Variants in PDIA3 observed in about 807,000 individuals in gnomAD.
PDIA3 encodes the protein protein disulfide isomerase family A member 3, also known as protein disulfide-isomerase A3.
A neutral mutation model predicts 56.9 loss-of-function variants in PDIA3; 16 were observed. That is an observed-to-expected ratio of 0.28 (90% CI 0.19 to 0.43). The LOEUF (loss-of-function observed/expected upper bound fraction) is 0.43. PDIA3 is among the 20% of genes least tolerant of loss of function. PDIA3 has a pLI of 1.00. For missense variants in PDIA3, 485 were observed against 621.3 expected, an observed-to-expected ratio of 0.78 and a Z score of 2.33; for synonymous variants, 192 against 216.5, an observed-to-expected ratio of 0.89 and a Z score of 0.99.
chr15:43,749,492 C>G lies in PDIA3; in HGVS notation c.167+2786C>G, dbSNP rs538786113. ...ATCTTACAAGAAACAGTTAAAAAATCCTTAGTAAGAGTAAAATGGGGTCTG... is the reference window on the plus strand; with the variant it reads ...ATCTTACAAGAAACAGTTAAAAAATGCTTAGTAAGAGTAAAATGGGGTCTG... On this transcript the variant is annotated intron_variant, in intron 1 of 12. Coordinates refer to ENST00000300289, the MANE Select transcript of PDIA3 (RefSeq NM_005313.5). Among the ~76,000 whole-genome samples the G allele has an allele frequency of 2.0e-5, 3 of 152,242 alleles. No individual in the cohort carries two copies. The South Asian group carries it at 6.2e-4, about 32-fold the overall frequency.
chr15:43,746,649 G>A lies in PDIA3; in HGVS notation c.110G>A (p.Ser37Asn), dbSNP rs754835551. The A allele has an allele frequency of 3.7e-6, 6 of 1,612,868 alleles. No individual in the cohort carries two copies. The highest frequency in any genetic ancestry group is 5.1e-6 in the Non-Finnish European group (6 of 1,179,918). ...GAACTCACGGACGACAACTTCGAGA[G>A]TCGCATCTCCGACACGGGCTCTGCG... ...VLELTDDNFESRISDTGSAGL... is the reference protein window; with the variant it reads ...VLELTDDNFENRISDTGSAGL... Residue 37 changes from serine (S) to asparagine (N), a missense_variant, in exon 1 of 13, where the codon AGT becomes AAT. Physicochemically the swap from Ser to Asn is conservative, Grantham distance 46. Transcript: ENST00000300289.
intron 3 of PDIA3, among the ~76,000 whole-genome samples, chr15:43,757,169 C>A (rs2086783369): frequency 1.3e-5 from 2 of 152,170 alleles, no homozygotes; most frequent in Non-Finnish European, 1.5e-5. Flanking sequence ...GGTGCAGTGG[C>A]ACGTACCTAT....
At chr15:43,765,747 G>T in intron 6 of PDIA3, 140 bp from the exon 7 acceptor site, 2 of 931,258 alleles carry the variant, frequency 2.1e-6, no homozygotes, top group Non-Finnish European at 1.7e-6. Context: ...TTGTCATCCT[G>T]TAAGGTATAT....
intron 3 of PDIA3, 52 bp downstream of exon 3, chr15:43,756,818 T>C (rs1342107423): frequency 2.1e-6 from 2 of 963,246 alleles, no homozygotes; most frequent in African/African-American, 1.6e-5. Context: ...CCTTATTCTT[T>C]GTAGTGGAAA....
At chr15:43,752,447 A>T (rs906743185) in intron 1 of PDIA3, among the ~76,000 whole-genome samples, 3 of 152,230 alleles carry the variant, frequency 2.0e-5, no homozygotes, top group Admixed American at 2.0e-4. Flanking sequence ...TGCAAAATAC[A>T]TCTTAATATC....
chr15:43,773,188 C>G lies in PDIA3; in HGVS notation c.*1970C>G. 6.2e-7 allele frequency: 1 copy of G among 1,613,966 alleles called. No homozygotes were observed. The highest frequency in any genetic ancestry group is 2.2e-5 in the East Asian group (1 of 44,868). On this transcript the variant is annotated 3_prime_UTR_variant, in exon 13 of 13. Coordinates refer to ENST00000300289, the MANE Select transcript of PDIA3 (RefSeq NM_005313.5). ...TGTGGGACAATTTCTGGTGAAGGTA[C>G]TCACAGCGACGCTTTTCTTCTCTGT...
chr15:43,759,047 T>G (rs1353849552), intron 3 of PDIA3, among the ~76,000 whole-genome samples: 1 of 151,608 alleles, frequency 6.6e-6, no homozygotes, highest in African/African-American at 2.4e-5. Flanking sequence ...TCCCAGCACT[T>G]TGGGAGGCTG....
At chr15:43,757,878 T>G (rs2086789940) in intron 3 of PDIA3, among the ~76,000 whole-genome samples, 1 of 149,456 alleles carries the variant, frequency 6.7e-6, no homozygotes, top group Non-Finnish European at 1.5e-5. Context: ...CACAAAGGTA[T>G]GTGTGTTATC....
intron 4 of PDIA3, 126 bp from the exon 5 acceptor site, chr15:43,762,951 C>T: frequency 1.1e-6 from 1 of 896,102 alleles, no homozygotes; most frequent in Middle Eastern, 3.2e-4. Flanking sequence ...GTAGTCATGG[C>T]AAAGCAGACC....
chr15:43,761,832 A>T (rs2086818372), intron 4 of PDIA3, among the ~76,000 whole-genome samples: 1 of 152,136 alleles, frequency 6.6e-6, no homozygotes. Context: ...TGGGGAAAAA[A>T]ATAAAGGACT....
At position 43,756,692 on chromosome 15, in the gene PDIA3, T is replaced by A; in HGVS notation, c.290T>A (p.Val97Asp). The change falls in exon 3 of 13, where the codon GTC (valine) becomes GAC (aspartate). Residue 97 changes from valine (V) to aspartate (D), a missense_variant. Val to Asp is a radical substitution (Grantham distance 152, BLOSUM62 -3). Transcript: ENST00000300289. The stretch of plus-strand genomic sequence containing the variant: ...ACTAACACCTGTAATAAATATGGAG[T>A]CAGTGGATATCCAACCCTGAAGATA... ...ANTNTCNKYGVSGYPTLKIFR... is the reference protein window; with the variant it reads ...ANTNTCNKYGDSGYPTLKIFR... 5 of 1,609,912 alleles carry A rather than the reference T, an allele frequency of 3.1e-6. No homozygotes were observed. Among genetic ancestry groups the A allele is most frequent in the Non-Finnish European group, 4.2e-6 (5 of 1,178,022 alleles).
At chr15:43,761,054 T>C (rs1170172666) in intron 3 of PDIA3, among the ~76,000 whole-genome samples, 1 of 150,508 alleles carries the variant, frequency 6.6e-6, no homozygotes, top group African/African-American at 2.4e-5. Context: ...CTGTCTAACA[T>C]GGTGAAACCC....
At chr15:43,752,349 TCA>T (rs935684100) in intron 1 of PDIA3, among the ~76,000 whole-genome samples, 1 of 152,212 alleles carries the variant, frequency 6.6e-6, no homozygotes, top group African/African-American at 2.4e-5. Context: ...AGACCCTATT[TCA>T]CACACATAAG....
intron 8 of PDIA3, among the ~76,000 whole-genome samples, chr15:43,767,945 TCTC>T (rs1269970827): frequency 6.6e-6 from 1 of 151,836 alleles, no homozygotes; most frequent in Non-Finnish European, 1.5e-5. Context: ...CAAGACCCCG[TCTC>T]CAAAAAATTT....
At chr15:43,752,736 A>T in intron 1 of PDIA3, 1 of 467,468 alleles carries the variant, frequency 2.1e-6, no homozygotes, top group Non-Finnish European at 4.4e-6. Flanking sequence ...TACACCATTG[A>T]CTATTGAAAT....
At chr15:43,746,807 C>T (rs1363256246) in intron 1 of PDIA3, 101 bp downstream of exon 1, 1 of 1,253,436 alleles carries the variant, frequency 8.0e-7, no homozygotes, top group Non-Finnish European at 1.1e-6. Flanking sequence ...GCCCTTCATT[C>T]CTGTGGGCCC....
intron 3 of PDIA3, among the ~76,000 whole-genome samples, chr15:43,760,072 G>A (rs948521927): frequency 7.2e-5 from 11 of 151,988 alleles, no homozygotes; most frequent in African/African-American, 1.7e-4. Context: ...TCCAGCCTGG[G>A]TGACAAGAGT....
intron 3 of PDIA3, among the ~76,000 whole-genome samples, chr15:43,759,182 C>CGG (rs1193229776): frequency 2.0e-5 from 3 of 150,878 alleles, no homozygotes; most frequent in African/African-American, 7.3e-5. Context: ...TCCAGCTACT[C>CGG]GGGAGGCTGA....
In PDIA3 at chr15:43,769,660, C is replaced by A. The variant is rs771722382; in HGVS notation, c.1266+14C>A. ...CTTGGCGAGAAGGTAAGTGTGAACC[C>A]TATTCTGAGGATAACATTTGAGCGG... On this transcript the variant is annotated intron_variant, in intron 10 of 12. Coordinates refer to ENST00000300289, the MANE Select transcript of PDIA3 (RefSeq NM_005313.5). 1.2e-5 allele frequency: 20 copies of A among 1,612,360 alleles called. No individual in the cohort carries two copies. The highest frequency in any genetic ancestry group is 1.7e-5 in the Non-Finnish European group (20 of 1,179,402).
Sources: gnomAD v4.1 joint callset for allele counts (sites outside exome capture counted in the v4.1 genomes callset) on GRCh38, gnomAD v4.1.1 for gene constraint, MANE v1.5 for transcripts, NCBI Gene and HGNC (gene_info 2026-07-23, HGNC 2026-07-21) for gene names.